Variants in DNMBP observed in about 807,000 individuals in gnomAD.
DNMBP encodes dynamin binding protein, also known as dynamin-binding protein.
In DNMBP, 87 loss-of-function variants were observed where a neutral mutation model predicts 150.0. The observed-to-expected ratio is 0.58, with a 90% CI of 0.49 to 0.69. The LOEUF is 0.69. Among genes scored for constraint, DNMBP ranks in the 30% least tolerant of loss-of-function variants. The probability of loss-of-function intolerance (pLI) is 0.00; values close to 1 mark genes in which losing one functional copy is unlikely to be tolerated. For missense variants in DNMBP, 1,774 were observed against 1,949.0 expected (o/e 0.91, Z 1.69); for synonymous variants, 711 against 750.4 (o/e 0.95, Z 0.86).
At chr10:99,957,521 G>C (rs1378816169) in intron 3 of DNMBP, 2 of 312,222 alleles carry the variant, frequency 6.4e-6, no homozygotes, top group Non-Finnish European at 1.2e-5. Flanking sequence ...TGTAATCTCT[G>C]TGAAAAAGCA....
At chr10:99,934,696 T>C (rs1221282575) in intron 4 of DNMBP, among the ~76,000 whole-genome samples, 3 of 132,316 alleles carry the variant, frequency 2.3e-5, no homozygotes, top group Non-Finnish European at 3.3e-5. Flanking sequence ...ATTTGTAATC[T>C]TGATTTGTCA....
chr10:99,970,952 A>G (rs999970260), intron 2 of DNMBP, among the ~76,000 whole-genome samples: 1 of 136,454 alleles, frequency 7.3e-6, no homozygotes, highest in Non-Finnish European at 1.6e-5. Flanking sequence ...AGCCTGGGCA[A>G]CAGAGCAAGA....
intron 1 of DNMBP, among the ~76,000 whole-genome samples, chr10:99,986,699 C>T (rs907652571): frequency 7.0e-6 from 1 of 142,238 alleles, no homozygotes. Flanking sequence ...GAGCTTGAAA[C>T]AATCAGAGGT....
chr10:99,929,074 T>C (rs1053203637), intron 4 of DNMBP, among the ~76,000 whole-genome samples: 3 of 151,534 alleles, frequency 2.0e-5, no homozygotes, highest in African/African-American at 7.3e-5. Flanking sequence ...AGCCCAGGAG[T>C]TTGAGGCTGC....
intron 6 of DNMBP, among the ~76,000 whole-genome samples, chr10:99,906,292 T>G (rs1414696372): frequency 2.6e-5 from 4 of 152,176 alleles, no homozygotes; most frequent in African/African-American, 9.7e-5. Context: ...ATAAGGTATC[T>G]GATCAGGGAG....
intron 1 of DNMBP, among the ~76,000 whole-genome samples, chr10:100,007,401 G>A (rs886868680): frequency 1.3e-5 from 2 of 151,682 alleles, no homozygotes; most frequent in Non-Finnish European, 2.9e-5. Context: ...GGCACACACA[G>A]GTGCCCCCCA....
At chr10:99,991,852 G>A (rs2040895664) in intron 1 of DNMBP, among the ~76,000 whole-genome samples, 1 of 149,342 alleles carries the variant, frequency 6.7e-6, no homozygotes, top group Non-Finnish European at 1.5e-5. Context: ...TTTGCAGTGA[G>A]CCGAGATTGC....
chr10:99,991,905 CAAA>C (rs71009797), intron 1 of DNMBP, among the ~76,000 whole-genome samples: 19 of 105,048 alleles, frequency 1.8e-4, no homozygotes, highest in African/African-American at 2.4e-4. Flanking sequence ...GACTCCACCT[CAAA>C]AAAAAAAAAA....
At chr10:99,980,973 G>T (rs1400407133) in intron 1 of DNMBP, among the ~76,000 whole-genome samples, 3 of 152,144 alleles carry the variant, frequency 2.0e-5, no homozygotes, top group Non-Finnish European at 2.9e-5. Flanking sequence ...AATGGGTACA[G>T]CATTTCAGTT....
chr10:99,915,949 A>C (rs2039961248), intron 4 of DNMBP, among the ~76,000 whole-genome samples: 1 of 152,062 alleles, frequency 6.6e-6, no homozygotes, highest in Non-Finnish European at 1.5e-5. Context: ...TTTTTTTCCC[A>C]GGAAGGCAAA....
intron 4 of DNMBP, chr10:99,930,734 T>A: frequency 1.5e-6 from 1 of 680,610 alleles, no homozygotes; most frequent in East Asian, 2.7e-5. Context: ...CCACTTCCCT[T>A]TCTTTTCTAG....
chr10:99,908,411 A>G (rs1197097902), intron 5 of DNMBP, among the ~76,000 whole-genome samples: 3 of 152,258 alleles, frequency 2.0e-5, no homozygotes, highest in Non-Finnish European at 2.9e-5. Context: ...CTGCTGCAGA[A>G]GTACTTGGGA....
At chr10:99,935,629 A>C (rs1234377669) in intron 4 of DNMBP, among the ~76,000 whole-genome samples, 1 of 151,994 alleles carries the variant, frequency 6.6e-6, no homozygotes, top group South Asian at 2.1e-4. Flanking sequence ...CAATGGTGCA[A>C]CCTCAGCTCA....
At position 99,914,567 on chromosome 10, in the gene DNMBP, G is replaced by C. The variant is rs539806198; in HGVS notation, c.2261-5421C>G. Among the ~76,000 whole-genome samples, 3 of 152,204 alleles carry C rather than the reference G, an allele frequency of 2.0e-5. No homozygotes were observed. The East Asian group carries it at 5.8e-4, about 29-fold the overall frequency. On this transcript the variant is annotated intron_variant, in intron 4 of 16. Transcript: ENST00000324109. ...AGCCATCACAGAGCAGATTTCAGCTGGGTAGTCCCAGGACAGCAAGAACAG... is the reference window on the plus strand; with the variant it reads ...AGCCATCACAGAGCAGATTTCAGCTCGGTAGTCCCAGGACAGCAAGAACAG...
intron 4 of DNMBP, among the ~76,000 whole-genome samples, chr10:99,919,196 C>T (rs2039996694): frequency 6.6e-6 from 1 of 152,184 alleles, no homozygotes; most frequent in Admixed American, 6.5e-5. Flanking sequence ...AAACTGGCCT[C>T]CCAAGCCAGT....
chr10:99,987,716 C>G (rs1421308027), intron 1 of DNMBP, among the ~76,000 whole-genome samples: 1 of 144,632 alleles, frequency 6.9e-6, no homozygotes, highest in Admixed American at 7.0e-5. Context: ...GCCTTGGCAA[C>G]AGAGTAAGAC....
chr10:99,955,481 G>A lies in DNMBP; in HGVS notation c.1993C>T (p.Arg665Ter), dbSNP rs867943525. 3.1e-6 allele frequency: 5 copies of A among 1,603,698 alleles called. No homozygotes were observed. Among genetic ancestry groups the A allele is most frequent in the Non-Finnish European group, 4.3e-6 (5 of 1,174,524 alleles). ...TNAVSPKLLS[R>*]HRPTCETLEK... ...AAGGTCTCACAGGTAGGACGGTGTC[G>A]AGATAGGAGCTTGGGGGATACCGCA... The change falls in exon 4 of 17, where the codon CGA becomes TGA. Residue 665 changes from arginine to a stop codon, truncating the protein, a stop_gained. Transcript: ENST00000324109. LOFTEE classifies it high-confidence loss of function.
intron 4 of DNMBP, among the ~76,000 whole-genome samples, chr10:99,922,502 G>GTTTTTTTTT (rs71189108): frequency 1.3e-5 from 1 of 78,774 alleles, no homozygotes; most frequent in African/African-American, 5.1e-5. Context: ...AGCTGCTGCT[G>GTTTTTTTTT]TTTTTTTTTT....
intron 4 of DNMBP, among the ~76,000 whole-genome samples, chr10:99,949,042 C>T (rs2040391777): frequency 6.6e-6 from 1 of 151,700 alleles, no homozygotes; most frequent in Non-Finnish European, 1.5e-5. Context: ...GCAGTAGCTA[C>T]ACTAAAAACC....
Sources: gnomAD v4.1 joint callset for allele counts (sites outside exome capture counted in the v4.1 genomes callset) on GRCh38, gnomAD v4.1.1 for gene constraint, MANE v1.5 for transcripts, NCBI Gene and HGNC (gene_info 2026-07-23, HGNC 2026-07-21) for gene names.